The following CERCAM variants were observed in gnomAD, a reference collection of about 807,000 sequenced individuals.
CERCAM encodes inactive glycosyltransferase 25 family member 3.
A neutral mutation model predicts 66.0 loss-of-function variants in CERCAM; 59 were observed. The observed-to-expected ratio is 0.89, with a 90% confidence interval of 0.73 to 1.11. The LOEUF is 1.11. CERCAM is among the 50% of genes most tolerant of loss of function. CERCAM has a pLI of 0.00. For synonymous variants in CERCAM, 318 were observed against 343.6 expected, an observed-to-expected ratio of 0.93 and a Z score of 0.83; for missense variants, 840 against 828.3, an observed-to-expected ratio of 1.01 and a Z score of -0.17.
At chr9:128,422,710 TG>T in intron 1 of CERCAM, 157 bp from the exon 2 acceptor site, 1 of 756,236 alleles carries the variant, frequency 1.3e-6, no homozygotes, top group Non-Finnish European at 2.1e-6. Flanking sequence ...GGTGGGGACC[TG>T]GCTGTGCTGC....
At position 128,428,891 on chromosome 9, in the gene CERCAM, C is replaced by T. The variant is rs1192254358; in HGVS notation, c.964-39C>T. Reference sequence around the variant, plus strand: ...GAGGTGGATGGGCCCTCCTCTTCCGCTCCCTTGCACTTACCGCCCACCCCC... The same window carrying T: ...GAGGTGGATGGGCCCTCCTCTTCCGTTCCCTTGCACTTACCGCCCACCCCC... On this transcript the variant is annotated intron_variant, in intron 7 of 12. Transcript: ENST00000372838. 3.1e-6 allele frequency: 5 copies of T among 1,606,604 alleles called. No homozygotes were observed. In the South Asian group the frequency reaches 5.5e-5, roughly 18 times the overall value.
At chr9:128,436,660 C>T (rs532849251) in intron 12 of CERCAM, among the ~76,000 whole-genome samples, 189 bp from the exon 13 acceptor site, 3 of 152,296 alleles carry the variant, frequency 2.0e-5, no homozygotes, top group Non-Finnish European at 2.9e-5. Context: ...GGATTACAGG[C>T]GTGAGCCACT....
intron 8 of CERCAM, chr9:128,430,717 C>T (rs1833954485): frequency 6.3e-6 from 1 of 159,884 alleles, no homozygotes; most frequent in African/African-American, 2.4e-5. Flanking sequence ...TAGTTATCCT[C>T]TCAGAACTCC....
Position 128,422,994 on chromosome 9 carries a change from G to C in CERCAM, c.308+16G>C. The C allele has an allele frequency of 6.2e-7, 1 of 1,613,578 alleles. No individual in the cohort carries two copies. The highest frequency in any genetic ancestry group is 8.5e-7 in the Non-Finnish European group (1 of 1,179,992). Reference sequence around the variant, plus strand: ...GCGAGCCCAGGTGGTGATCTGAGGGGAAGGGTGCTGGGGAAGATGGAGAAC... The same window carrying C: ...GCGAGCCCAGGTGGTGATCTGAGGGCAAGGGTGCTGGGGAAGATGGAGAAC... On this transcript the variant is annotated intron_variant, in intron 2 of 12. Coordinates refer to ENST00000372838, the MANE Select transcript of CERCAM (RefSeq NM_016174.5).
chr9:128,435,758 T>G lies in CERCAM; in HGVS notation c.1641T>G (p.Ser547Arg). Reference protein sequence around the residue: ...THYAGDAEWLSDTETSSPWDD... With the variant: ...THYAGDAEWLRDTETSSPWDD... Reference sequence around the variant, plus strand: ...ATGCCGGGGACGCCGAGTGGCTCAGTGACACGGAGACATCCTCTCCATGGG... The same window carrying G: ...ATGCCGGGGACGCCGAGTGGCTCAGGGACACGGAGACATCCTCTCCATGGG... Residue 547 changes from serine to arginine, a missense_variant, in exon 12 of 13, where the codon AGT (serine) becomes AGG (arginine). By Grantham distance (110) the Ser-to-Arg change is moderately radical. Transcript: ENST00000372838. 6.2e-7 allele frequency: 1 copy of G among 1,613,396 alleles called. No individual in the cohort carries two copies. The highest frequency in any genetic ancestry group is 8.5e-7 in the Non-Finnish European group (1 of 1,179,876).
At position 128,431,283 on chromosome 9, in the gene CERCAM, C is replaced by G. The variant is rs1833970040; in HGVS notation, c.1183C>G (p.His395Asp). Residue 395 changes from histidine (H) to aspartate (D), a missense_variant, in exon 9 of 13, where the codon CAT becomes GAT. Transcript: ENST00000372838. The part of the protein sequence containing the change: ...TKGEVGCFLS[H>D]YSIWEEVVAR... ...GGGCGAGGTGGGCTGCTTCCTCAGC[C>G]ATTACTCCATCTGGGAAGAGGTGAG... The G allele has an allele frequency of 3.7e-5, 60 of 1,614,056 alleles. No individual in the cohort carries two copies. The highest frequency in any genetic ancestry group is 5.0e-5 in the Non-Finnish European group (59 of 1,180,020).
At position 128,434,235 on chromosome 9, in the gene CERCAM, C is replaced by T. The variant is rs746618410; in HGVS notation, c.1331+6C>T. 1.2e-6 allele frequency: 2 copies of T among 1,613,912 alleles called. No individual in the cohort carries two copies. The highest frequency in any genetic ancestry group is 3.3e-5 in the Admixed American group (2 of 59,998). ...AAACTGTCTTGGGACCTGATGTAGGCAGCCTGCACCCTCAGGGACAAGGGG... is the reference window on the plus strand; with the variant it reads ...AAACTGTCTTGGGACCTGATGTAGGTAGCCTGCACCCTCAGGGACAAGGGG... On this transcript the variant is annotated splice_donor_region_variant and intron_variant, in intron 10 of 12. Transcript: ENST00000372838. This position sits in a 1 kb window ranked among gnomAD's most constrained non-coding sequence, Gnocchi z 4.5.
chr9:128,420,303 C>A (rs560154878), upstream of CERCAM: 2 of 152,346 alleles, frequency 1.3e-5, no homozygotes, highest in East Asian at 1.9e-4. The surrounding 1 kb of genome is among the most constrained non-coding windows in gnomAD (Gnocchi z 5.0). Flanking sequence ...CTGCGCCCCC[C>A]ACGCTGGGTC....
chr9:128,431,502 A>C (rs993431788), intron 9 of CERCAM, 199 bp downstream of exon 9: 1 of 620,830 alleles, frequency 1.6e-6, no homozygotes, highest in Non-Finnish European at 2.8e-6. Context: ...TCTCTTGAGC[A>C]TCTACTATGT....
In CERCAM at chr9:128,434,149, G is replaced by A. The variant is rs1301054085; in HGVS notation, c.1251G>A (p.Val417=). The change falls in exon 10 of 13, where the codon GTG becomes GTA. Residue 417 remains valine, a synonymous_variant. Transcript: ENST00000372838. The surrounding 1 kb of genome is among the most constrained non-coding windows in gnomAD (Gnocchi z 4.5). ...GGGTCCTGGTGTTTGAGGATGACGT[G>A]CGCTTTGAGAGCAACTTCAGGGGGC... ...LARVLVFEDD[V]RFESNFRGRL... 6.2e-7 allele frequency: 1 copy of A among 1,614,030 alleles called. No homozygotes were observed. Among genetic ancestry groups the A allele is most frequent in the Non-Finnish European group, 8.5e-7 (1 of 1,180,024 alleles).
chr9:128,422,619 A>C lies in CERCAM; in HGVS notation c.198-249A>C, dbSNP rs1833736993. ...TCTTTGTCCATGACATAAGCAGGACAGCTTAAGTTATAGAGGGAGGACGTG... is the reference window on the plus strand; with the variant it reads ...TCTTTGTCCATGACATAAGCAGGACCGCTTAAGTTATAGAGGGAGGACGTG... On this transcript the variant is annotated intron_variant, in intron 1 of 12. Coordinates refer to ENST00000372838, the MANE Select transcript of CERCAM (RefSeq NM_016174.5). 5 of 485,014 alleles carry C rather than the reference A, an allele frequency of 1.0e-5. No homozygotes were observed. The South Asian group carries it at 1.8e-4, about 18-fold the overall frequency. 30.0% of individuals were successfully genotyped at this position (485,014 alleles called of 1,614,324 possible). A position where few individuals can be genotyped will look rare whatever the true frequency, so the allele number is the denominator to read the frequency against.
In CERCAM at chr9:128,423,175, A is replaced by C. The variant is rs1833751500; in HGVS notation, c.338A>C (p.His113Pro). The change falls in exon 3 of 13, where the codon CAC (histidine) becomes CCC (proline). Residue 113 changes from histidine (H) to proline (P), a missense_variant. Transcript: ENST00000372838. ...RFYPDEEGPK[H>P]WTKERHQFLM... ...TACCCAGATGAAGAGGGTCCCAAGC[A>C]CTGGACCAAAGAAAGGCACCAGTTT... The C allele has an allele frequency of 6.2e-7, 1 of 1,613,974 alleles. No homozygotes were observed. Among genetic ancestry groups the C allele is most frequent in the Non-Finnish European group, 8.5e-7 (1 of 1,180,014 alleles).
In CERCAM at chr9:128,434,868, G is replaced by A. The variant is rs1171090942; in HGVS notation, c.1535+255G>A. Reference sequence around the variant, plus strand: ...GCTCTGTTGCCCAGGCTAGAATGCAGTGGCATGATTTTGACTCACTGCACC... The same window carrying A: ...GCTCTGTTGCCCAGGCTAGAATGCAATGGCATGATTTTGACTCACTGCACC... On this transcript the variant is annotated intron_variant, in intron 11 of 12. Transcript: ENST00000372838. The surrounding 1 kb of genome is among the most constrained non-coding windows in gnomAD (Gnocchi z 4.5). 6.6e-6 allele frequency among the ~76,000 whole-genome samples: 1 copy of A among 152,144 alleles called. No individual in the cohort carries two copies. Among genetic ancestry groups the A allele is most frequent in the Non-Finnish European group, 1.5e-5 (1 of 68,026 alleles).
At chr9:128,428,547 G>A (rs1409531752) in intron 6 of CERCAM, 126 bp downstream of exon 6, 33 of 1,262,344 alleles carry the variant, frequency 2.6e-5, no homozygotes, top group Non-Finnish European at 3.3e-5. Context: ...TCCCTAACTC[G>A]TTCCATGACT....
Position 128,435,517 on chromosome 9 carries a change from G to C in CERCAM, c.1536-136G>C. On this transcript the variant is annotated intron_variant, in intron 11 of 12. Coordinates refer to ENST00000372838, the MANE Select transcript of CERCAM (RefSeq NM_016174.5). ...AAATGGAGGTAGTAGAAGTCCCACTGCTCAGGGCCGCTGTGAGGACTAGAT... is the reference window on the plus strand; with the variant it reads ...AAATGGAGGTAGTAGAAGTCCCACTCCTCAGGGCCGCTGTGAGGACTAGAT... The C allele has an allele frequency of 9.0e-6, 8 of 893,004 alleles. No individual in the cohort carries two copies. The South Asian group carries it at 1.4e-4, about 16-fold the overall frequency. 55.3% of individuals were successfully genotyped at this position (893,004 alleles called of 1,614,324 possible).
At chr9:128,427,696 CAG>C (rs1259654297) in intron 5 of CERCAM, 1 of 150,610 alleles carries the variant, frequency 6.6e-6, no homozygotes, top group Non-Finnish European at 1.5e-5. Flanking sequence ...ACCTGGGAGA[CAG>C]AGGTTGTAAT....
Position 128,435,839 on chromosome 9 carries a change from C to A in CERCAM, c.1722C>A (p.Ser574Arg). ...GCGGCTCCCAAAAGACCCTGCGCAG[C>A]CCCCGCCTGGACCTGACTGGCAGCA... Reference protein sequence around the residue: ...SWSGSQKTLRSPRLDLTGSSG... With the variant: ...SWSGSQKTLRRPRLDLTGSSG... Residue 574 changes from serine to arginine, a missense_variant, in exon 12 of 13, where the codon AGC becomes AGA. Coordinates refer to ENST00000372838, the MANE Select transcript of CERCAM (RefSeq NM_016174.5). 6.2e-7 allele frequency: 1 copy of A among 1,610,088 alleles called. No homozygotes were observed. The highest frequency in any genetic ancestry group is 8.5e-7 in the Non-Finnish European group (1 of 1,178,952).
At chr9:128,424,990 T>C (rs532370628) in intron 5 of CERCAM, among the ~76,000 whole-genome samples, 7 of 150,642 alleles carry the variant, frequency 4.6e-5, no homozygotes, top group Admixed American at 6.6e-5. Flanking sequence ...CCCAAAGTAC[T>C]GGCATTACAG....
chr9:128,428,215 C>A, intron 5 of CERCAM, 87 bp from the exon 6 acceptor site: 2 of 1,470,972 alleles, frequency 1.4e-6, no homozygotes, highest in South Asian at 1.3e-5. Flanking sequence ...CATGTTGGGT[C>A]ACTGGCAGTG....
Sources: allele counts gnomAD v4.1 joint callset (sites outside exome capture counted in the v4.1 genomes callset), GRCh38; gene constraint gnomAD v4.1.1; non-coding constraint Gnocchi (gnomAD v3.1); transcripts MANE v1.5; gene names NCBI Gene and HGNC (gene_info 2026-07-23, HGNC 2026-07-21).